PSAP: variants seen among roughly 807,000 people sequenced by gnomAD.
PSAP encodes the protein precursor of saposins.
A neutral mutation model predicts 66.0 loss-of-function variants in PSAP; 25 were observed. The ratio of observed to expected loss-of-function variants is 0.38; its 90% CI spans 0.28 to 0.53. The LOEUF (loss-of-function observed/expected upper bound fraction) is 0.53, where lower values mean the gene tolerates loss of function less well. Ranked by LOEUF, PSAP falls within the 20% of genes least tolerant of loss-of-function variation. The probability of loss-of-function intolerance (pLI) is 0.83; values close to 1 mark genes in which losing one functional copy is unlikely to be tolerated. For missense variants in PSAP, 649 were observed against 668.8 expected (o/e 0.97, Z 0.33); for synonymous variants, 273 against 258.9 (o/e 1.05, Z -0.52).
chr10:71,842,967 C>G (rs1175365546), intron 1 of PSAP, among the ~76,000 whole-genome samples: 1 of 152,194 alleles, frequency 6.6e-6, no homozygotes. Context: ...CTGGCTACAC[C>G]TCCTGGCACT....
rs142581627 is a variant in PSAP, at chr10:71,818,753, G to C, written c.1432-29C>G. ...TATGGTGAGAAAAGGAAAGAAGAAA[G>C]GGGGAGAATGAGAGCTGCCCGATGT... On this transcript the variant is annotated intron_variant, in intron 12 of 13. Transcript: ENST00000394936. 7.6e-4 allele frequency: 1,196 copies of C among 1,570,774 alleles called. 10 individuals carry two copies. The African/African-American group carries it at 0.014, about 19-fold the overall frequency.
chr10:71,830,746 C>T (rs1257812452), intron 4 of PSAP, among the ~76,000 whole-genome samples: 2 of 152,210 alleles, frequency 1.3e-5, no homozygotes, highest in Admixed American at 6.5e-5. Flanking sequence ...GACCCCAATA[C>T]ATTCCCTGAA....
In PSAP at chr10:71,831,871, T is replaced by G; in HGVS notation, c.224A>C (p.Asp75Ala). 1 of 1,614,022 alleles carries G rather than the reference T, an allele frequency of 6.2e-7. No individual in the cohort carries two copies. Among genetic ancestry groups the G allele is most frequent in the African/African-American group, 1.3e-5 (1 of 74,986 alleles). The change falls in exon 3 of 14, where the codon GAT (aspartate) becomes GCT (alanine). Residue 75 changes from aspartate (D) to alanine (A), a missense_variant. Transcript: ENST00000394936. ...CTCAGTGGCATTGTCCTTCAGCATA[T>G]CACCAGCTGCGGTGACAACGTCTTT... ...ICKDVVTAAG[D>A]MLKDNATEEE...
intron 7 of PSAP, among the ~76,000 whole-genome samples, chr10:71,824,217 T>C (rs1334209494): frequency 6.6e-6 from 1 of 152,158 alleles, no homozygotes; most frequent in Non-Finnish European, 1.5e-5. Flanking sequence ...CAGAAAATGC[T>C]TGATGAAGGG....
intron 11 of PSAP, 144 bp downstream of exon 11, chr10:71,819,321 A>G: frequency 7.6e-7 from 1 of 1,315,644 alleles, no homozygotes; most frequent in Non-Finnish European, 1.1e-6. Flanking sequence ...ATCTTAAGCC[A>G]ACAAATCACC....
rs566228553 is a variant in PSAP, at chr10:71,843,482, G to A, written c.40+7700C>T. On this transcript the variant is annotated intron_variant, in intron 1 of 13. Coordinates refer to ENST00000394936, the MANE Select transcript of PSAP (RefSeq NM_002778.4). ...CTACTGAGAGAGTCATAAGTAACGT[G>A]ACAAATACTGGCCAAAAGAACTTTC... 3.3e-5 allele frequency among the ~76,000 whole-genome samples: 5 copies of A among 152,314 alleles called. No individual in the cohort carries two copies. In the East Asian group the frequency reaches 9.6e-4, roughly 29 times the overall value.
At chr10:71,845,909 G>A (rs1842813722) in intron 1 of PSAP, among the ~76,000 whole-genome samples, 1 of 152,112 alleles carries the variant, frequency 6.6e-6, no homozygotes, top group African/African-American at 2.4e-5. Context: ...TTGTTTTCCT[G>A]ACTCACTAAT....
Position 71,819,454 on chromosome 10 carries a change from C to T in PSAP, c.1350+11G>A. 1 of 1,613,996 alleles carries T rather than the reference C, an allele frequency of 6.2e-7. No homozygotes were observed. Among genetic ancestry groups the T allele is most frequent in the Non-Finnish European group, 8.5e-7 (1 of 1,180,046 alleles). On this transcript the variant is annotated intron_variant, in intron 11 of 13. Transcript: ENST00000394936. Reference sequence around the variant, plus strand: ...CCATGCTGGCCTACCGCAGCCCAGCCCGGGGCGTACCTGCTTCTGGTAAGG... The same window carrying T: ...CCATGCTGGCCTACCGCAGCCCAGCTCGGGGCGTACCTGCTTCTGGTAAGG...
At chr10:71,819,271 A>G in intron 11 of PSAP, 160 bp from the exon 12 acceptor site, 1 of 1,010,818 alleles carries the variant, frequency 9.9e-7, no homozygotes, top group Admixed American at 2.0e-5. Context: ...CCCTATCTAC[A>G]TTTGGCCTCT....
At chr10:71,823,843 A>G in intron 7 of PSAP, 1 of 1,263,716 alleles carries the variant, frequency 7.9e-7, no homozygotes, top group South Asian at 1.3e-5. Context: ...AAGTAACTAG[A>G]GGAAGCAGCA....
At chr10:71,819,001 GA>G in intron 12 of PSAP, 29 bp downstream of exon 12, 1 of 1,600,838 alleles carries the variant, frequency 6.2e-7, no homozygotes, top group South Asian at 1.1e-5. Context: ...ACAGCTGCCC[GA>G]GAGGACCACA....
intron 1 of PSAP, among the ~76,000 whole-genome samples, chr10:71,846,847 G>A (rs1842834381): frequency 6.6e-6 from 1 of 151,554 alleles, no homozygotes; most frequent in African/African-American, 2.4e-5. Flanking sequence ...GAACCAAAAA[G>A]GAGCCAGAAA....
rs150048951 is a variant in PSAP at position 71,821,891 on chromosome 10, C to T, written c.894G>A (p.Leu298=). 75 of 1,614,080 alleles carry T rather than the reference C, an allele frequency of 4.6e-5. No individual in the cohort carries two copies. The highest frequency in any genetic ancestry group is 6.3e-5 in the Non-Finnish European group (74 of 1,180,032). The change falls in exon 8 of 14, where the codon CTG becomes CTA. Residue 298 remains leucine, a synonymous_variant. Coordinates refer to ENST00000394936, the MANE Select transcript of PSAP (RefSeq NM_002778.4). ...ASKNVIPALE[L]VEPIKKHEVP... ...CACCAGGTACCTTAATGGGCTCCAC[C>T]AGTTCCAGGGCAGGGATGACATTCT...
intron 1 of PSAP, among the ~76,000 whole-genome samples, chr10:71,843,149 C>T (rs888177688): frequency 1.3e-5 from 2 of 152,072 alleles, no homozygotes; most frequent in African/African-American, 4.8e-5. Flanking sequence ...TCTGATAAGG[C>T]AACATCAAGC....
rs574318648 is a variant in PSAP, at chr10:71,837,251, C to T, written c.41-2746G>A. ...AACAGCCTGTGGTATGCAACGGATTCCATCTCCCAGGATGAACGACATGAT... is the reference window on the plus strand; with the variant it reads ...AACAGCCTGTGGTATGCAACGGATTTCATCTCCCAGGATGAACGACATGAT... On this transcript the variant is annotated intron_variant, in intron 1 of 13. Transcript: ENST00000394936. Among the ~76,000 whole-genome samples, 7 of 152,346 alleles carry T rather than the reference C, an allele frequency of 4.6e-5. No individual in the cohort carries two copies. The South Asian group carries it at 1.2e-3, about 27-fold the overall frequency.
intron 7 of PSAP, chr10:71,825,631 A>C: frequency 1.5e-6 from 1 of 684,114 alleles, no homozygotes; most frequent in South Asian, 1.5e-5. Flanking sequence ...TCCTGGGATC[A>C]AGATGCTTCA....
chr10:71,844,268 G>T (rs552982372), intron 1 of PSAP, among the ~76,000 whole-genome samples: 1 of 152,234 alleles, frequency 6.6e-6, no homozygotes, highest in South Asian at 2.1e-4. Flanking sequence ...ATATGCCCTA[G>T]ATAAATGTTT....
Position 71,821,964 on chromosome 10 carries a change from A to G in PSAP, c.821T>C (p.Val274Ala). Residue 274 changes from valine (V) to alanine (A), a missense_variant, in exon 8 of 14, where the codon GTG becomes GCG. By Grantham distance (64) the Val-to-Ala change is moderately conservative. Transcript: ENST00000394936. Reference sequence around the variant, plus strand: ...CAGAGTCTGCATGGGCATCTCTTTCACCTCATCACAGAACCCAACCAGCGC... The same window carrying G: ...CAGAGTCTGCATGGGCATCTCTTTCGCCTCATCACAGAACCCAACCAGCGC... ...ICALVGFCDE[V>A]KEMPMQTLVP... is the part of the protein sequence containing the mutation. 6.2e-7 allele frequency: 1 copy of G among 1,614,120 alleles called. No homozygotes were observed. The highest frequency in any genetic ancestry group is 8.5e-7 in the Non-Finnish European group (1 of 1,180,018).
chr10:71,843,723 T>A (rs1842771457), intron 1 of PSAP, among the ~76,000 whole-genome samples: 1 of 152,186 alleles, frequency 6.6e-6, no homozygotes, highest in Non-Finnish European at 1.5e-5. Context: ...TGGGAAGAGA[T>A]TAAGGAGACC....
Sources: allele counts gnomAD v4.1 joint callset (sites outside exome capture counted in the v4.1 genomes callset), GRCh38; gene constraint gnomAD v4.1.1; transcripts MANE v1.5; gene names NCBI Gene and HGNC (gene_info 2026-07-23, HGNC 2026-07-21).